Variants in BIRC6 observed in about 807,000 individuals in gnomAD.
The protein encoded by BIRC6 is dual E2 ubiquitin-conjugating enzyme/E3 ubiquitin-protein ligase BIRC6.
In BIRC6, 98 loss-of-function variants were observed where a neutral mutation model predicts 503.3. The observed-to-expected ratio is 0.19, with a 90% CI of 0.17 to 0.23. The LOEUF is 0.23. Among genes scored for constraint, BIRC6 ranks in the 10% least tolerant of loss-of-function variants. The pLI is 1.00. For missense variants in BIRC6, 5,360 were observed against 5,806.0 expected, an observed-to-expected ratio of 0.92 and a Z score of 2.50; for synonymous variants, 2,240 against 2,078.7, an observed-to-expected ratio of 1.08 and a Z score of -2.11.
chr2:32,451,430 G>A (rs1273663924), intron 22 of BIRC6, among the ~76,000 whole-genome samples: 2 of 152,052 alleles, frequency 1.3e-5, no homozygotes, highest in Admixed American at 1.3e-4. Context: ...TTGTCTTTTT[G>A]ATTTCGTTGA....
chr2:32,486,264 G>T (rs2050982943), intron 40 of BIRC6, among the ~76,000 whole-genome samples: 1 of 152,154 alleles, frequency 6.6e-6, no homozygotes, highest in Non-Finnish European at 1.5e-5. Flanking sequence ...TTTCGTAAAG[G>T]ACTAATAGTA....
intron 66 of BIRC6, among the ~76,000 whole-genome samples, chr2:32,580,459 G>A (rs948745893): frequency 7.9e-5 from 12 of 152,164 alleles, no homozygotes; most frequent in African/African-American, 2.2e-4. Flanking sequence ...ATATTCAGGG[G>A]ACCTTGAAAA....
At chr2:32,472,877 G>A (rs187654768) in intron 32 of BIRC6, 1 of 333,898 alleles carries the variant, frequency 3.0e-6, no homozygotes, top group South Asian at 5.5e-5. Context: ...ATGAAAGATT[G>A]GAGACAGAGG....
chr2:32,598,416 T>G (rs2061813839), intron 69 of BIRC6, among the ~76,000 whole-genome samples: 1 of 152,196 alleles, frequency 6.6e-6, no homozygotes, highest in Non-Finnish European at 1.5e-5. Context: ...TTCTCTCATG[T>G]TTTTTAGTGT....
chr2:32,592,396 T>C (rs2061439936), intron 66 of BIRC6, among the ~76,000 whole-genome samples: 1 of 152,200 alleles, frequency 6.6e-6, no homozygotes, highest in South Asian at 2.1e-4. Context: ...AGTTTTTGTT[T>C]ACACATTGTA....
In BIRC6 at chr2:32,505,114, A is replaced by G. The variant is rs1194463583; in HGVS notation, c.9609A>G (p.Pro3203=). ...RSAAWSYIFL[P]EEAWCDLTIH... ...CTGCTTGGTCCTACATCTTTCTTCCAGAGGAGGCTTGGTGTGACCTTACCA... is the reference window on the plus strand; with the variant it reads ...CTGCTTGGTCCTACATCTTTCTTCCGGAGGAGGCTTGGTGTGACCTTACCA... Residue 3203 remains proline, a synonymous_variant, in exon 50 of 74, where the codon CCA becomes CCG. Transcript: ENST00000421745. The G allele has an allele frequency of 4.3e-6, 7 of 1,609,702 alleles. No homozygotes were observed. The Admixed American group carries it at 6.7e-5, about 15-fold the overall frequency.
intron 23 of BIRC6, among the ~76,000 whole-genome samples, chr2:32,460,014 A>G (rs1477462432): frequency 6.7e-6 from 1 of 150,072 alleles, no homozygotes; most frequent in South Asian, 2.1e-4. Context: ...TAATAGTTTT[A>G]CTTTTTTCTT....
In BIRC6 at chr2:32,401,250, A is replaced by G. The variant is rs2040569199; in HGVS notation, c.1122A>G (p.Thr374=). Residue 374 remains threonine (T), a synonymous_variant, in exon 7 of 74, where the codon ACA becomes ACG. Transcript: ENST00000421745. The part of the protein sequence containing the change: ...QNVPLSVTLA[T]SPAQFPCTDG... ...TGCCATTGTCAGTCACTCTTGCAAC[A>G]AGTCCTGCACAGTTTCCTTGTACGG... 3 of 1,614,052 alleles carry G rather than the reference A, an allele frequency of 1.9e-6. No individual in the cohort carries two copies. Among genetic ancestry groups the G allele is most frequent in the Non-Finnish European group, 1.7e-6 (2 of 1,179,898 alleles).
intron 10 of BIRC6, among the ~76,000 whole-genome samples, chr2:32,421,897 T>C (rs923567827): frequency 6.6e-5 from 10 of 152,232 alleles, no homozygotes; most frequent in Non-Finnish European, 1.0e-4. Flanking sequence ...TATTGAGCCT[T>C]CTTCTATCAA....
At chr2:32,578,884 C>T (rs539386969) in intron 66 of BIRC6, among the ~76,000 whole-genome samples, 5 of 150,002 alleles carry the variant, frequency 3.3e-5, no homozygotes, top group Non-Finnish European at 7.4e-5. Context: ...GTCTCTATTA[C>T]TGTGAAATCC....
intron 12 of BIRC6, 21 bp from the exon 13 acceptor site, chr2:32,433,623 A>G: frequency 1.3e-6 from 2 of 1,525,678 alleles, no homozygotes; most frequent in African/African-American, 2.7e-5. Context: ...TTTATTTAGC[A>G]TTTTTCCCCT....
chr2:32,537,158 G>A (rs2057301132), intron 61 of BIRC6, among the ~76,000 whole-genome samples: 1 of 152,002 alleles, frequency 6.6e-6, no homozygotes, highest in Non-Finnish European at 1.5e-5. Context: ...GGAGATTTTG[G>A]GCTGAGACGA....
chr2:32,459,547 A>T (rs1339523594), intron 23 of BIRC6, among the ~76,000 whole-genome samples: 1 of 151,848 alleles, frequency 6.6e-6, no homozygotes, highest in Non-Finnish European at 1.5e-5. Flanking sequence ...TGAATTTTAG[A>T]TTTCATTTGT....
intron 4 of BIRC6, among the ~76,000 whole-genome samples, chr2:32,389,979 C>T (rs1172927584): frequency 6.6e-6 from 1 of 151,992 alleles, no homozygotes; most frequent in Non-Finnish European, 1.5e-5. Context: ...CCTGCCTCAG[C>T]CTCCTTGGTA....
intron 45 of BIRC6, among the ~76,000 whole-genome samples, chr2:32,495,790 G>GTT (rs11464835): frequency 0.031 from 2,614 of 84,752 alleles, 169 homozygotes; most frequent in African/African-American, 0.085. Context: ...TCAGGATGAA[G>GTT]TTTTTTTTTT....
intron 23 of BIRC6, among the ~76,000 whole-genome samples, chr2:32,461,078 C>CTGTTCTCTTCTGT (rs2047899938): frequency 2.4e-4 from 1 of 4,144 alleles, no homozygotes; most frequent in Non-Finnish European, 5.3e-4. Context: ...TTCTCCTCTC[C>CTGTTCTCTTCTGT]TCTCCTCTCC....
chr2:32,430,061 AAGC>A (rs2043928646), intron 11 of BIRC6, among the ~76,000 whole-genome samples: 2 of 152,210 alleles, frequency 1.3e-5, no homozygotes, highest in South Asian at 2.1e-4. Context: ...TTTACAAACT[AAGC>A]AGATTTAAAA....
At position 32,441,362 on chromosome 2, in the gene BIRC6, A is replaced by C; in HGVS notation, c.3844A>C (p.Ser1282Arg). 1 of 1,595,482 alleles carries C rather than the reference A, an allele frequency of 6.3e-7. No homozygotes were observed. Among genetic ancestry groups the C allele is most frequent in the Non-Finnish European group, 8.6e-7 (1 of 1,165,326 alleles). The stretch of plus-strand genomic sequence containing the variant: ...ATCTAATGTTAAGAATGAAAATACA[A>C]GTGGCACCCGTAAATCTGAAAACCT... ...KSSNVKNENT[S>R]GTRKSENLRG... Residue 1282 changes from serine (S) to arginine (R), a missense_variant, in exon 17 of 74, where the codon AGT becomes CGT. Coordinates refer to ENST00000421745, the MANE Select transcript of BIRC6 (RefSeq NM_016252.4).
chr2:32,496,675 G>C (rs1461108530), intron 45 of BIRC6, among the ~76,000 whole-genome samples: 1 of 152,078 alleles, frequency 6.6e-6, no homozygotes, highest in East Asian at 1.9e-4. Context: ...TATTTTGGCT[G>C]TTTTAATTCC....
Sources: allele counts gnomAD v4.1 joint callset (sites outside exome capture counted in the v4.1 genomes callset), GRCh38; gene constraint gnomAD v4.1.1; transcripts MANE v1.5; gene names NCBI Gene and HGNC (gene_info 2026-07-23, HGNC 2026-07-21).